Variants in STX8 observed in about 807,000 individuals in gnomAD.
STX8 encodes the protein syntaxin 8.
Under a neutral mutation model 37.5 loss-of-function variants are expected in STX8, and 23 were observed. The observed-to-expected ratio is 0.61, with a 90% CI of 0.44 to 0.87. The LOEUF is 0.87. Among genes scored for constraint, STX8 ranks in the 40% least tolerant of loss-of-function variants. The pLI is 0.00. For synonymous variants in STX8, 115 were observed against 99.1 expected (o/e 1.16, Z -0.95); for missense variants, 313 against 284.7 (o/e 1.10, Z -0.71).
Position 9,250,493 on chromosome 17 carries a change from T to G in STX8, c.*85A>C. The stretch of plus-strand genomic sequence containing the variant: ...AGGTCAGAGCTTTGGGGGAATTTAT[T>G]GAGAGCAGGTTTTGCGTACCAAAAG... On this transcript the variant is annotated 3_prime_UTR_variant, in exon 8 of 8. Transcript: ENST00000306357. 2 of 1,243,194 alleles carry G rather than the reference T, an allele frequency of 1.6e-6. No homozygotes were observed. Among genetic ancestry groups the G allele is most frequent in the Non-Finnish European group, 2.3e-6 (2 of 867,498 alleles). The allele number at this position is 1,243,194 out of a possible 1,614,324, so 77.0% of individuals were successfully genotyped here.
chr17:9,416,212 C>T (rs987259827), intron 6 of STX8, among the ~76,000 whole-genome samples: 1 of 152,196 alleles, frequency 6.6e-6, no homozygotes, highest in African/African-American at 2.4e-5. Flanking sequence ...GAGATCCCAA[C>T]TTAATTGGAC....
At chr17:9,358,755 A>T (rs1024132012) in intron 7 of STX8, among the ~76,000 whole-genome samples, 1 of 152,192 alleles carries the variant, frequency 6.6e-6, no homozygotes, top group African/African-American at 2.4e-5. Flanking sequence ...GACCAAGATG[A>T]TAAATAGAGA....
intron 6 of STX8, among the ~76,000 whole-genome samples, chr17:9,432,156 CT>C (rs572528213): frequency 1.9e-4 from 28 of 147,644 alleles, no homozygotes; most frequent in East Asian, 1.8e-3. Flanking sequence ...TTTCACCTGG[CT>C]TTTTTTTTTA....
At chr17:9,342,581 C>T (rs370123441) in intron 7 of STX8, among the ~76,000 whole-genome samples, 2 of 152,020 alleles carry the variant, frequency 1.3e-5, no homozygotes, top group Admixed American at 6.6e-5. Context: ...ACACAAATAC[C>T]GGTGTGGGCT....
intron 5 of STX8, among the ~76,000 whole-genome samples, chr17:9,499,467 CG>C (rs1793701191): frequency 6.6e-6 from 1 of 152,168 alleles, no homozygotes; most frequent in South Asian, 2.1e-4. Context: ...AGCACAATCT[CG>C]GCTCACTGCA....
intron 7 of STX8, among the ~76,000 whole-genome samples, chr17:9,291,999 AAGG>A (rs1908327254): frequency 6.6e-6 from 1 of 152,234 alleles, no homozygotes; most frequent in Admixed American, 6.5e-5. Context: ...TAGTTGAACT[AAGG>A]AGAAGTGGGA....
chr17:9,327,201 G>C (rs1384478080), intron 7 of STX8, among the ~76,000 whole-genome samples: 2 of 147,884 alleles, frequency 1.4e-5, no homozygotes, highest in African/African-American at 2.5e-5. Context: ...AAGGAAGAAG[G>C]AAGAAGGAGG....
chr17:9,565,706 G>C (rs1478009723), intron 2 of STX8, among the ~76,000 whole-genome samples: 1 of 152,046 alleles, frequency 6.6e-6, no homozygotes, highest in African/African-American at 2.4e-5. Flanking sequence ...ACAAGCAATG[G>C]GGGAAGGATT....
At chr17:9,502,707 G>C (rs1456146760) in intron 5 of STX8, among the ~76,000 whole-genome samples, 1 of 152,084 alleles carries the variant, frequency 6.6e-6, no homozygotes, top group African/African-American at 2.4e-5. Flanking sequence ...AGCTTTCTTT[G>C]TAACAGTCAA....
At chr17:9,375,767 A>G (rs1173453854) in intron 7 of STX8, among the ~76,000 whole-genome samples, 3 of 152,218 alleles carry the variant, frequency 2.0e-5, no homozygotes, top group African/African-American at 7.2e-5. Flanking sequence ...TATATATTAC[A>G]TACACGCAAT....
chr17:9,522,696 A>T (rs1905402433), intron 4 of STX8, among the ~76,000 whole-genome samples: 1 of 151,718 alleles, frequency 6.6e-6, no homozygotes, highest in African/African-American at 2.4e-5. Context: ...TGGGCGAAAG[A>T]GCGAGACTCC....
intron 6 of STX8, among the ~76,000 whole-genome samples, chr17:9,457,928 G>A (rs78693096): frequency 0.014 from 2,075 of 152,296 alleles, 49 homozygotes; most frequent in African/African-American, 0.047. Flanking sequence ...CATAGGATAA[G>A]AATTTGGAAT....
chr17:9,467,733 C>A (rs754231310), intron 6 of STX8, among the ~76,000 whole-genome samples: 16 of 152,284 alleles, frequency 1.1e-4, no homozygotes, highest in South Asian at 4.2e-4. Context: ...TGGCTCGGGG[C>A]ATGGAAGAGA....
intron 4 of STX8, among the ~76,000 whole-genome samples, chr17:9,523,352 TAC>T (rs1905436591): frequency 6.7e-6 from 1 of 148,646 alleles, no homozygotes; most frequent in African/African-American, 2.5e-5. Context: ...CATAAATATG[TAC>T]ACTTATATGT....
intron 6 of STX8, among the ~76,000 whole-genome samples, chr17:9,407,446 G>C (rs921580273): frequency 3.0e-4 from 46 of 152,290 alleles, no homozygotes; most frequent in Non-Finnish European, 5.9e-5. Context: ...ATAGAAATGT[G>C]TTGACAAAAG....
chr17:9,464,427 A>G (rs1171307864), intron 6 of STX8, among the ~76,000 whole-genome samples: 1 of 152,234 alleles, frequency 6.6e-6, no homozygotes, highest in African/African-American at 2.4e-5. Flanking sequence ...AGCTCCATGC[A>G]TTACACAGAG....
chr17:9,376,276 T>C (rs1394733269), intron 7 of STX8, among the ~76,000 whole-genome samples: 1 of 151,698 alleles, frequency 6.6e-6, no homozygotes, highest in Non-Finnish European at 1.5e-5. Flanking sequence ...CAGCGCTCTG[T>C]GTCTAGACAA....
At chr17:9,341,078 C>G (rs1383954822) in intron 7 of STX8, among the ~76,000 whole-genome samples, 1 of 150,696 alleles carries the variant, frequency 6.6e-6, no homozygotes, top group Non-Finnish European at 1.5e-5. Context: ...GGACTCTTTT[C>G]TCTAGTAGAT....
chr17:9,573,864 AC>A (rs1907789037), intron 1 of STX8, among the ~76,000 whole-genome samples: 1 of 152,212 alleles, frequency 6.6e-6, no homozygotes, highest in African/African-American at 2.4e-5. Context: ...AAGAGATAGA[AC>A]AAAGGGACTC....
Sources: allele counts gnomAD v4.1 joint callset (sites outside exome capture counted in the v4.1 genomes callset), GRCh38; gene constraint gnomAD v4.1.1; transcripts MANE v1.5; gene names NCBI Gene and HGNC (gene_info 2026-07-23, HGNC 2026-07-21).